NADK: variants seen among roughly 807,000 people sequenced by gnomAD.
NADK encodes poly(P)/ATP NAD kinase.
Under a neutral mutation model 49.8 loss-of-function variants are expected in NADK, and 22 were observed. The observed-to-expected ratio is 0.44, with a 90% CI of 0.32 to 0.63. NADK has a LOEUF of 0.63. Among genes scored for constraint, NADK ranks in the 30% least tolerant of loss-of-function variants. The pLI, the probability that NADK is intolerant of heterozygous loss-of-function variation, is 0.06. For synonymous variants in NADK, 268 were observed against 253.7 expected (o/e 1.06, Z -0.54); for missense variants, 438 against 609.4 (o/e 0.72, Z 2.96).
At position 1,757,383 on chromosome 1, in the gene NADK, AT is replaced by A; in HGVS notation, c.264-74del. On this transcript the variant is annotated intron_variant, in intron 3 of 11. Transcript: ENST00000341426. ...GCGGAAAAGGTGTATGACTTAGAAA[AT>A]AAAAAAAAAAATCTTTAAAAAGGTG... is the stretch of plus-strand genomic sequence containing the variant. The A allele has an allele frequency of 3.7e-6, 5 of 1,360,298 alleles. No individual in the cohort carries two copies. The African/African-American group carries it at 7.4e-5, about 20-fold the overall frequency. 84.3% of individuals were successfully genotyped at this position (1,360,298 alleles called of 1,614,324 possible).
chr1:1,774,697 T>C (rs6603811), intron 1 of NADK, among the ~76,000 whole-genome samples: 124,128 of 152,026 alleles, frequency 0.82, 53,001 homozygotes, highest in Non-Finnish European at 0.94. Context: ...TTGACAAGGG[T>C]GAGTCAGGAC....
chr1:1,756,728 C>A (rs1422997364), intron 4 of NADK, 120 bp from the exon 5 acceptor site: 9 of 1,546,998 alleles, frequency 5.8e-6, no homozygotes, highest in Non-Finnish European at 7.9e-6. Context: ...TGCCCGCCCC[C>A]CCACGCTCAC....
intron 1 of NADK, among the ~76,000 whole-genome samples, chr1:1,777,393 G>GA (rs1056160425): frequency 1.3e-5 from 2 of 151,170 alleles, no homozygotes; most frequent in Non-Finnish European, 2.9e-5. Flanking sequence ...ACATCAGGAG[G>GA]AAAAAAAAAC....
chr1:1,770,354 G>A (rs114391446), intron 1 of NADK, among the ~76,000 whole-genome samples: 130 of 152,304 alleles, frequency 8.5e-4, no homozygotes, highest in African/African-American at 3.0e-3. Flanking sequence ...GGCATGAAAT[G>A]TAGGTCTGTT....
chr1:1,768,270 G>A (rs1645945670), intron 1 of NADK, among the ~76,000 whole-genome samples: 1 of 152,102 alleles, frequency 6.6e-6, no homozygotes, highest in African/African-American at 2.4e-5. Context: ...AGGCACGGTG[G>A]CTCACTCATG....
chr1:1,778,483 C>T (rs1316884475), upstream of NADK: 1 of 148,504 alleles, frequency 6.7e-6, no homozygotes, highest in African/African-American at 2.4e-5. The surrounding 1 kb of genome is among the most constrained non-coding windows in gnomAD (Gnocchi z 4.9). Flanking sequence ...GCAGGCGCAC[C>T]CGCCACGCAT....
At chr1:1,762,282 G>A (rs1356287967) in intron 2 of NADK, among the ~76,000 whole-genome samples, 2 of 152,186 alleles carry the variant, frequency 1.3e-5, no homozygotes, top group African/African-American at 2.4e-5. Context: ...GCCGGGGAGA[G>A]CTTCAGCCCA....
chr1:1,755,825 G>A (rs954789160), intron 6 of NADK, among the ~76,000 whole-genome samples: 1 of 152,162 alleles, frequency 6.6e-6, no homozygotes, highest in Admixed American at 6.5e-5. Context: ...AGAAAAGCAG[G>A]GCGGGCTGCG....
At position 1,758,437 on chromosome 1, in the gene NADK, C is replaced by T. The variant is rs780619955; in HGVS notation, c.264-1127G>A. On this transcript the variant is annotated intron_variant, in intron 3 of 11. Coordinates refer to ENST00000341426, the MANE Select transcript of NADK (RefSeq NM_023018.5). ...TATGAGCTCAGCACCTGCCGGGTCA[C>T]ACATGTGGCTCGCGAGGTAGCCCCT... is the stretch of plus-strand genomic sequence containing the variant. 6.2e-6 allele frequency: 10 copies of T among 1,612,194 alleles called. No individual in the cohort carries two copies. The Admixed American group carries it at 1.0e-4, about 16-fold the overall frequency.
At chr1:1,755,133 T>G (rs1416592359) in intron 7 of NADK, among the ~76,000 whole-genome samples, 1 of 152,200 alleles carries the variant, frequency 6.6e-6, no homozygotes, top group African/African-American at 2.4e-5. Flanking sequence ...CTTCTGTGCC[T>G]TCTGAGAGTG....
upstream of NADK, among the ~76,000 whole-genome samples, chr1:1,779,630 C>T (rs1646313473): frequency 1.3e-5 from 2 of 151,870 alleles, no homozygotes; most frequent in East Asian, 1.9e-4. Flanking sequence ...AAGTAGGTCC[C>T]GCCACACTCG....
intron 3 of NADK, chr1:1,758,686 A>AC: frequency 9.1e-7 from 1 of 1,092,988 alleles, no homozygotes; most frequent in South Asian, 1.9e-5. Context: ...AAACAAAACA[A>AC]AACAGTTTCC....
rs1226856140 is a variant in NADK, at chr1:1,753,029, G to A, written c.1216C>T (p.Pro406Ser). The stretch of plus-strand genomic sequence containing the variant: ...ACGGGGTCCCGCACACAGATGGAGG[G>A]GAGCGGGTAGCATGAGGTAGTGATG... The part of the protein sequence containing the change: ...ISITTSCYPL[P>S]SICVRDPVSD... The change falls in exon 12 of 12, where the codon CCC (proline) becomes TCC (serine). Residue 406 changes from proline to serine, a missense_variant. Coordinates refer to ENST00000341426, the MANE Select transcript of NADK (RefSeq NM_023018.5). The A allele has an allele frequency of 1.9e-6, 3 of 1,611,116 alleles. No homozygotes were observed. Among genetic ancestry groups the A allele is most frequent in the African/African-American group, 1.3e-5 (1 of 74,908 alleles).
intron 3 of NADK, chr1:1,759,066 T>C: frequency 6.7e-7 from 1 of 1,492,180 alleles, no homozygotes; most frequent in East Asian, 2.6e-5. Context: ...TGCACACGGC[T>C]CCCCCTGCTC....
intron 1 of NADK, among the ~76,000 whole-genome samples, chr1:1,769,815 A>C (rs1034245724): frequency 3.3e-5 from 5 of 151,878 alleles, no homozygotes; most frequent in African/African-American, 1.2e-4. Flanking sequence ...GGTGGCTCAC[A>C]CCTGTAATCC....
rs918995468 is a variant in NADK, at chr1:1,765,132, G to A, written c.179+96C>T. On this transcript the variant is annotated intron_variant, in intron 2 of 11. Transcript: ENST00000341426. ...AGCCTCACCTTCCGGATGCATCGAC[G>A]CAGACTACTCAGGAGAATTCTTCAT... 31 of 1,245,474 alleles carry A rather than the reference G, an allele frequency of 2.5e-5. No individual in the cohort carries two copies. The South Asian group carries it at 3.0e-4, about 12-fold the overall frequency. 77.2% of individuals were successfully genotyped at this position (1,245,474 alleles called of 1,614,324 possible). A position where few individuals can be genotyped will look rare whatever the true frequency, so the allele number is the denominator to read the frequency against.
intron 2 of NADK, among the ~76,000 whole-genome samples, chr1:1,763,555 C>G (rs988467404): frequency 6.1e-5 from 9 of 147,610 alleles, no homozygotes; most frequent in Admixed American, 1.4e-4. Flanking sequence ...GGAGGCAGAG[C>G]TTGCAGTGAG....
chr1:1,766,118 G>A (rs929982841), intron 1 of NADK, among the ~76,000 whole-genome samples: 6 of 151,602 alleles, frequency 4.0e-5, no homozygotes, highest in African/African-American at 1.5e-4. Flanking sequence ...AAAATTAGCC[G>A]GGCATGGTAG....
At chr1:1,760,693 G>A (rs756190507) in intron 3 of NADK, among the ~76,000 whole-genome samples, 19 of 150,610 alleles carry the variant, frequency 1.3e-4, no homozygotes, top group Non-Finnish European at 2.2e-4. Flanking sequence ...AAGAGAGCCC[G>A]TTCTGCACAG....
Sources: allele counts gnomAD v4.1 joint callset (sites outside exome capture counted in the v4.1 genomes callset), GRCh38; gene constraint gnomAD v4.1.1; non-coding constraint Gnocchi (gnomAD v3.1); transcripts MANE v1.5; gene names NCBI Gene and HGNC (gene_info 2026-07-23, HGNC 2026-07-21).